CSMD1: variants seen among roughly 807,000 people sequenced by gnomAD.
CSMD1 encodes CUB and Sushi multiple domains 1.
Under a neutral mutation model 417.5 loss-of-function variants are expected in CSMD1, and 213 were observed. The observed-to-expected ratio is 0.51, with a 90% CI of 0.46 to 0.57. The LOEUF is 0.57. Among genes scored for constraint, CSMD1 ranks in the 20% least tolerant of loss-of-function variants. CSMD1 has a pLI of 0.00. For missense variants in CSMD1, 6,923 were observed against 4,529.7 expected (o/e 1.53, Z -15.17); for synonymous variants, 2,862 against 1,736.8 (o/e 1.65, Z -16.11).
At chr8:4,301,924 T>C (rs963371066) in intron 3 of CSMD1, among the ~76,000 whole-genome samples, 5 of 152,236 alleles carry the variant, frequency 3.3e-5, no homozygotes, top group African/African-American at 4.8e-5. Flanking sequence ...GTTGCTTTGA[T>C]AGGGGCTCTT....
chr8:4,699,221 C>T (rs564670072), intron 1 of CSMD1, among the ~76,000 whole-genome samples: 63 of 152,296 alleles, frequency 4.1e-4, no homozygotes, highest in Non-Finnish European at 6.6e-4. Flanking sequence ...CAAATGTTTT[C>T]CTTTGCTTAA....
At chr8:4,245,036 C>T (rs981349052) in intron 3 of CSMD1, among the ~76,000 whole-genome samples, 4 of 152,090 alleles carry the variant, frequency 2.6e-5, no homozygotes, top group African/African-American at 9.7e-5. Flanking sequence ...ACTATAAAAC[C>T]ACCATTCATT....
chr8:4,830,474 C>G (rs1185523571), intron 1 of CSMD1, among the ~76,000 whole-genome samples: 1 of 152,136 alleles, frequency 6.6e-6, no homozygotes, highest in Non-Finnish European at 1.5e-5. Context: ...TGTCTTTTTG[C>G]TAGATTGTCA....
At chr8:3,073,511 C>G (rs970592691) in intron 49 of CSMD1, among the ~76,000 whole-genome samples, 1 of 152,108 alleles carries the variant, frequency 6.6e-6, no homozygotes, top group Non-Finnish European at 1.5e-5. Context: ...TGAAGCAAAG[C>G]TACAGATTAG....
At chr8:3,772,704 C>A (rs112501870) in intron 5 of CSMD1, among the ~76,000 whole-genome samples, 71 of 144,506 alleles carry the variant, frequency 4.9e-4, no homozygotes, top group African/African-American at 1.5e-3. Flanking sequence ...AATATATACA[C>A]ACACACATAT....
chr8:2,942,048 C>T (rs912461561), intron 69 of CSMD1, among the ~76,000 whole-genome samples: 1 of 152,048 alleles, frequency 6.6e-6, no homozygotes, highest in Non-Finnish European at 1.5e-5. Flanking sequence ...ACAGAAAGGA[C>T]AACAAAAAAT....
chr8:3,814,668 G>C (rs898337392), intron 5 of CSMD1, among the ~76,000 whole-genome samples: 13 of 152,164 alleles, frequency 8.5e-5, no homozygotes, highest in African/African-American at 2.9e-4. Flanking sequence ...TGTGAATAGT[G>C]CTGAGATGGA....
intron 3 of CSMD1, among the ~76,000 whole-genome samples, chr8:4,216,956 T>A (rs1283858318): frequency 6.6e-6 from 1 of 152,176 alleles, no homozygotes; most frequent in African/African-American, 2.4e-5. Context: ...TTTTTCAAAA[T>A]GGCTGTCCTA....
intron 54 of CSMD1, among the ~76,000 whole-genome samples, chr8:2,987,954 G>C (rs74829597): frequency 0.073 from 11,127 of 151,398 alleles, 572 homozygotes; most frequent in African/African-American, 0.14. Flanking sequence ...AGGTAAATGT[G>C]TACCATGGGG....
At chr8:3,863,104 T>C (rs1054492989) in intron 5 of CSMD1, among the ~76,000 whole-genome samples, 13 of 152,192 alleles carry the variant, frequency 8.5e-5, no homozygotes, top group African/African-American at 3.1e-4. Flanking sequence ...CAAGCTTTTT[T>C]AAAGGTGCGA....
intron 1 of CSMD1, among the ~76,000 whole-genome samples, chr8:4,909,116 G>A (rs1428820394): frequency 1.3e-5 from 2 of 152,274 alleles, no homozygotes; most frequent in Admixed American, 6.5e-5. Flanking sequence ...GTAGGTGTAG[G>A]TGTCAGAGGA....
chr8:4,334,627 A>G lies in CSMD1; in HGVS notation c.415+85326T>C, dbSNP rs995628014. 9.2e-5 allele frequency among the ~76,000 whole-genome samples: 14 copies of G among 152,122 alleles called. 1 individual carries two copies. The highest frequency in any genetic ancestry group is 3.4e-4 in the African/African-American group (14 of 41,434). On this transcript the variant is annotated intron_variant, in intron 3 of 69. Coordinates refer to ENST00000635120, the MANE Select transcript of CSMD1 (RefSeq NM_033225.6). The stretch of plus-strand genomic sequence containing the variant: ...TCTGTATTTCCTCTGGAGAATGCTG[A>G]CTAATACATAGCTTTATACCTTCTA...
intron 12 of CSMD1, among the ~76,000 whole-genome samples, chr8:3,435,365 C>A (rs879517562): frequency 1.3e-5 from 2 of 152,146 alleles, no homozygotes; most frequent in African/African-American, 4.8e-5. Flanking sequence ...CTCCATCAGC[C>A]CAGCCACCCA....
At chr8:3,695,009 G>T (rs1229037751) in intron 7 of CSMD1, among the ~76,000 whole-genome samples, 2 of 151,726 alleles carry the variant, frequency 1.3e-5, no homozygotes, top group East Asian at 3.9e-4. Flanking sequence ...TAGGACATTA[G>T]ACGAAGACAT....
chr8:3,680,330 C>T (rs897414625), intron 7 of CSMD1, among the ~76,000 whole-genome samples: 48 of 151,936 alleles, frequency 3.2e-4, no homozygotes, highest in African/African-American at 8.9e-4. Context: ...ATCAAATAGA[C>T]GCAATAAAAA....
At chr8:3,837,399 C>T (rs77972051) in intron 5 of CSMD1, among the ~76,000 whole-genome samples, 116 of 152,186 alleles carry the variant, frequency 7.6e-4, no homozygotes, top group African/African-American at 2.6e-3. Flanking sequence ...AAGTAGCATG[C>T]ACTTTGATCT....
At chr8:4,644,399 A>G (rs2130876486) in intron 1 of CSMD1, among the ~76,000 whole-genome samples, 1 of 119,832 alleles carries the variant, frequency 8.3e-6, no homozygotes, top group African/African-American at 3.2e-5. Flanking sequence ...CCAACATTAC[A>G]TGCTACCCTT....
intron 1 of CSMD1, among the ~76,000 whole-genome samples, chr8:4,680,336 G>T (rs560739747): frequency 5.7e-4 from 87 of 152,264 alleles, no homozygotes; most frequent in African/African-American, 2.0e-3. Context: ...AAAGCACCGG[G>T]TCACTTAATT....
intron 5 of CSMD1, among the ~76,000 whole-genome samples, chr8:3,902,908 A>C (rs1234381796): frequency 6.6e-6 from 1 of 152,204 alleles, no homozygotes; most frequent in Non-Finnish European, 1.5e-5. Context: ...TCCTGATCTT[A>C]ACCACTTATC....
Sources: gnomAD v4.1 joint callset for allele counts (sites outside exome capture counted in the v4.1 genomes callset) on GRCh38, gnomAD v4.1.1 for gene constraint, MANE v1.5 for transcripts, NCBI Gene and HGNC (gene_info 2026-07-23, HGNC 2026-07-21) for gene names.